Variants in KIF14 observed in about 807,000 individuals in gnomAD.
The protein encoded by KIF14 is kinesin-like protein KIF14.
Under a neutral mutation model 176.2 loss-of-function variants are expected in KIF14, and 98 were observed. That is an observed-to-expected ratio of 0.56 (90% CI 0.47 to 0.66). KIF14 has a LOEUF of 0.66. Among genes scored for constraint, KIF14 ranks in the 30% least tolerant of loss-of-function variants. The pLI, the probability that KIF14 is intolerant of heterozygous loss-of-function variation, is 0.00. For missense variants in KIF14, 1,751 were observed against 1,920.4 expected (o/e 0.91, Z 1.65); for synonymous variants, 566 against 632.2 (o/e 0.90, Z 1.57).
chr1:200,610,352 T>C (rs1480567114), intron 4 of KIF14, among the ~76,000 whole-genome samples: 6 of 151,292 alleles, frequency 4.0e-5, no homozygotes, highest in Non-Finnish European at 8.8e-5. Context: ...AAATACAAAA[T>C]ACAAAAAATT....
chr1:200,588,227 T>TTTTG (rs149834881), intron 18 of KIF14, among the ~76,000 whole-genome samples: 31,263 of 146,980 alleles, frequency 0.21, 3,851 homozygotes, highest in African/African-American at 0.35. Context: ...AAAATTTGCT[T>TTTTG]TTTGTTTGTT....
In KIF14 at chr1:200,572,459, C is replaced by G. The variant is rs933979883; in HGVS notation, c.3567-2454G>C. Among the ~76,000 whole-genome samples, 3 of 152,168 alleles carry G rather than the reference C, an allele frequency of 2.0e-5. No individual in the cohort carries two copies. In the East Asian group the frequency reaches 5.8e-4, roughly 29 times the overall value. On this transcript the variant is annotated intron_variant, in intron 22 of 29. Transcript: ENST00000367350. ...TCCTGGGTTCATACCATTCTCCTGC[C>G]TCAGCCTCCCGAGTAGCTGGGATTA...
At chr1:200,557,806 T>C (rs1189590542) in intron 27 of KIF14, among the ~76,000 whole-genome samples, 1 of 152,020 alleles carries the variant, frequency 6.6e-6, no homozygotes, top group Non-Finnish European at 1.5e-5. Flanking sequence ...AAGCCAATAG[T>C]CCTCCACATG....
intron 19 of KIF14, 66 bp downstream of exon 19, chr1:200,586,035 A>G (rs1658719748): frequency 8.9e-7 from 1 of 1,126,850 alleles, no homozygotes; most frequent in South Asian, 2.5e-5. Context: ...CTAATATTTT[A>G]GTAATTATAT....
At position 200,590,266 on chromosome 1, in the gene KIF14, T is replaced by C. The variant is rs755592474; in HGVS notation, c.2820A>G (p.Glu940=). The change falls in exon 17 of 30, where the codon GAA becomes GAG. Residue 940 remains glutamate (E), a synonymous_variant. Coordinates refer to ENST00000367350, the MANE Select transcript of KIF14 (RefSeq NM_014875.3). ...ELLMAQRSQL[E]AEIKEAQLKA... is the part of the protein sequence containing the mutation. ...TCAACTGAGCCTCTTTTATTTCTGC[T>C]TCAAGTCTACAATGTAGCAAGATGT... The C allele has an allele frequency of 1.1e-5, 17 of 1,612,632 alleles. No homozygotes were observed. Among genetic ancestry groups the C allele is most frequent in the Non-Finnish European group, 1.4e-5 (17 of 1,179,638 alleles).
intron 28 of KIF14, 45 bp downstream of exon 28, chr1:200,555,335 G>T (rs1656775899): frequency 2.5e-6 from 3 of 1,215,860 alleles, no homozygotes; most frequent in South Asian, 2.6e-5. Context: ...CAAGTGAAAT[G>T]ATAAAAAATA....
intron 18 of KIF14, among the ~76,000 whole-genome samples, chr1:200,588,486 G>A (rs1261341345): frequency 2.6e-5 from 4 of 151,934 alleles, no homozygotes; most frequent in Non-Finnish European, 5.9e-5. Context: ...TAATCCACCC[G>A]CCTCAGCCTC....
At chr1:200,617,571 A>G in intron 2 of KIF14, 41 bp downstream of exon 2, 3 of 1,549,332 alleles carry the variant, frequency 1.9e-6, no homozygotes, top group Non-Finnish European at 1.7e-6. Flanking sequence ...GGTACCTTAC[A>G]TGTAACTGCT....
At chr1:200,606,644 A>G in intron 6 of KIF14, 102 bp downstream of exon 6, 1 of 1,033,854 alleles carries the variant, frequency 9.7e-7, no homozygotes, top group South Asian at 1.3e-5. Context: ...AGGGTTTCAA[A>G]GTTAGGAAGG....
At chr1:200,570,136 G>A (rs1657696851) in intron 22 of KIF14, 131 bp from the exon 23 acceptor site, 4 of 478,886 alleles carry the variant, frequency 8.4e-6, no homozygotes, top group Non-Finnish European at 1.1e-5. Context: ...TTCATCAAAG[G>A]AAAAATTCAT....
chr1:200,590,081 G>C (rs758511685), intron 17 of KIF14, 44 bp downstream of exon 17: 1 of 1,566,366 alleles, frequency 6.4e-7, no homozygotes, highest in South Asian at 1.2e-5. Context: ...ATCACTTGGG[G>C]TACACTGTCG....
At position 200,552,503 on chromosome 1, in the gene KIF14, T is replaced by A. The variant is rs1656586907; in HGVS notation, c.*885A>T. On this transcript the variant is annotated 3_prime_UTR_variant, in exon 30 of 30. Coordinates refer to ENST00000367350, the MANE Select transcript of KIF14 (RefSeq NM_014875.3). ...TTAGTATAATTCTGGCAACATTTTA[T>A]TAGTTTTAAATAATATTCATACAGC... 1.3e-5 allele frequency: 2 copies of A among 152,156 alleles called. No individual in the cohort carries two copies. Among genetic ancestry groups the A allele is most frequent in the Admixed American group, 6.5e-5 (1 of 15,278 alleles). 9.4% of individuals were successfully genotyped at this position (152,156 alleles called of 1,614,324 possible). A position where few individuals can be genotyped will look rare whatever the true frequency, so the allele number is the denominator to read the frequency against.
chr1:200,615,190 G>A (rs1268984900), intron 3 of KIF14, among the ~76,000 whole-genome samples, 165 bp downstream of exon 3: 1 of 152,178 alleles, frequency 6.6e-6, no homozygotes, highest in East Asian at 1.9e-4. Flanking sequence ...AAGCCCAGAG[G>A]CTAAGTAAAT....
intron 15 of KIF14, among the ~76,000 whole-genome samples, chr1:200,592,630 T>C (rs1433526698): frequency 6.6e-6 from 1 of 152,192 alleles, no homozygotes; most frequent in Non-Finnish European, 1.5e-5. Context: ...CACCTTGGCC[T>C]CCCAACGTTT....
chr1:200,584,997 AC>A, intron 19 of KIF14, among the ~76,000 whole-genome samples: 2 of 152,330 alleles, frequency 1.3e-5, no homozygotes, highest in Admixed American at 1.3e-4. Context: ...AAAGATAAAT[AC>A]TATATGATCT....
intron 12 of KIF14, 114 bp downstream of exon 12, chr1:200,600,242 C>T: frequency 8.1e-7 from 1 of 1,233,958 alleles, no homozygotes; most frequent in Non-Finnish European, 1.2e-6. Flanking sequence ...TGGGAGTGGG[C>T]TGCTCTATTC....
At chr1:200,555,274 G>T (rs1656772810) in intron 28 of KIF14, 106 bp downstream of exon 28, 1 of 700,964 alleles carries the variant, frequency 1.4e-6, no homozygotes, top group Admixed American at 3.3e-5. Context: ...ATACAAAAGA[G>T]TTGTCTCTGG....
At position 200,553,676 on chromosome 1, in the gene KIF14, AGAAGGCACACT is replaced by A; in HGVS notation, c.4648_4658del (p.Ser1550TyrfsTer7). On this transcript the variant is annotated frameshift_variant, in exon 30 of 30. Transcript: ENST00000367350. LOFTEE classifies it low-confidence loss of function (END_TRUNC). ...TACTCTCATAGCTGCCAACAGAAGT[AGAAGGCACACT>A]GAAGTCACTGTAAAAATCACTGGCC... is the stretch of plus-strand genomic sequence containing the variant. 1 of 1,614,050 alleles carries A rather than the reference AGAAGGCACACT, an allele frequency of 6.2e-7. No homozygotes were observed. Among genetic ancestry groups the A allele is most frequent in the Non-Finnish European group, 8.5e-7 (1 of 1,179,914 alleles).
chr1:200,561,232 A>AAAT (rs767200056), intron 25 of KIF14, among the ~76,000 whole-genome samples: 2,924 of 149,450 alleles, frequency 0.02, 115 homozygotes, highest in African/African-American at 0.068. Context: ...TCCATCTTAA[A>AAAT]AAAAAAAAAA....
Sources: allele counts gnomAD v4.1 joint callset (sites outside exome capture counted in the v4.1 genomes callset), GRCh38; gene constraint gnomAD v4.1.1; transcripts MANE v1.5; gene names NCBI Gene and HGNC (gene_info 2026-07-23, HGNC 2026-07-21).